Variants in COMMD10 observed in about 807,000 individuals in gnomAD.
COMMD10 encodes COMM domain-containing protein 10.
Under a neutral mutation model 28.9 loss-of-function variants are expected in COMMD10, and 33 were observed. That is an observed-to-expected ratio of 1.14 (90% confidence interval 0.87 to 1.53). COMMD10 has a LOEUF of 1.53. COMMD10 is among the 40% of genes most tolerant of loss of function. The probability of loss-of-function intolerance (pLI) is 0.00; values close to 1 mark genes in which losing one functional copy is unlikely to be tolerated. For synonymous variants in COMMD10, 110 were observed against 81.7 expected, an observed-to-expected ratio of 1.35 and a Z score of -1.87; for missense variants, 310 against 233.4, an observed-to-expected ratio of 1.33 and a Z score of -2.14.
At chr5:116,247,797 C>T (rs1364595314) in intron 5 of COMMD10, among the ~76,000 whole-genome samples, 2 of 151,880 alleles carry the variant, frequency 1.3e-5, no homozygotes, top group African/African-American at 2.4e-5. Context: ...ACAACACAAA[C>T]TCTGGGGTCT....
At chr5:116,209,013 C>G (rs1470435029) in intron 5 of COMMD10, among the ~76,000 whole-genome samples, 1 of 151,986 alleles carries the variant, frequency 6.6e-6, no homozygotes, top group Non-Finnish European at 1.5e-5. Flanking sequence ...CAGATTCTGT[C>G]TCTCTTTTCT....
At chr5:116,165,412 T>C (rs1753057094) in intron 5 of COMMD10, among the ~76,000 whole-genome samples, 1 of 152,234 alleles carries the variant, frequency 6.6e-6, no homozygotes, top group Admixed American at 6.5e-5. Flanking sequence ...TGTATTAGTC[T>C]GCTAGGGCTG....
intron 5 of COMMD10, among the ~76,000 whole-genome samples, chr5:116,167,163 G>C (rs1480283177): frequency 1.3e-5 from 2 of 151,960 alleles, no homozygotes; most frequent in East Asian, 3.9e-4. Context: ...TAAATGAGCT[G>C]ATGGAGCTGA....
intron 4 of COMMD10, among the ~76,000 whole-genome samples, chr5:116,095,543 T>C (rs896327287): frequency 3.3e-5 from 5 of 152,182 alleles, no homozygotes; most frequent in South Asian, 2.1e-4. Flanking sequence ...CTGTGAGATA[T>C]ATGATTTGCA....
intron 5 of COMMD10, among the ~76,000 whole-genome samples, chr5:116,284,122 A>AC (rs1189972856): frequency 6.6e-6 from 1 of 151,750 alleles, no homozygotes; most frequent in East Asian, 1.9e-4. Context: ...ACAGAGCAAG[A>AC]CCCCATCTCA....
chr5:116,098,009 C>G (rs865879377), intron 4 of COMMD10, among the ~76,000 whole-genome samples: 1 of 152,192 alleles, frequency 6.6e-6, no homozygotes, highest in Middle Eastern at 3.4e-3. Context: ...GGTCACAGAT[C>G]CAAACCATGT....
intron 5 of COMMD10, among the ~76,000 whole-genome samples, chr5:116,202,071 G>C (rs1255712152): frequency 7.7e-6 from 1 of 129,080 alleles, no homozygotes; most frequent in Non-Finnish European, 1.5e-5. Flanking sequence ...AGAGTGTGAT[G>C]TTCCCCTTCC....
chr5:116,215,936 T>C (rs1226376555), intron 5 of COMMD10, among the ~76,000 whole-genome samples: 1 of 151,690 alleles, frequency 6.6e-6, no homozygotes, highest in African/African-American at 2.4e-5. Flanking sequence ...AGGAAAATAA[T>C]GTTTTTTGTC....
intron 5 of COMMD10, among the ~76,000 whole-genome samples, chr5:116,233,325 T>C (rs181955901): frequency 6.6e-6 from 1 of 152,240 alleles, no homozygotes; most frequent in Non-Finnish European, 1.5e-5. Context: ...AATTAAATTT[T>C]ATCATAGGTA....
chr5:116,228,398 C>G (rs1218193425), intron 5 of COMMD10, among the ~76,000 whole-genome samples: 1 of 151,806 alleles, frequency 6.6e-6, no homozygotes, highest in Non-Finnish European at 1.5e-5. Context: ...CCCAATGACA[C>G]AAGCTATATG....
In COMMD10 at chr5:116,144,764, A is replaced by G. The variant is rs537593738; in HGVS notation, c.510+10586A>G. Among the ~76,000 whole-genome samples, 46 of 151,962 alleles carry G rather than the reference A, an allele frequency of 3.0e-4. 1 individual carries two copies. In the South Asian group the frequency reaches 9.1e-3, roughly 30 times the overall value. On this transcript the variant is annotated intron_variant, in intron 5 of 6. Transcript: ENST00000274458. The stretch of plus-strand genomic sequence containing the variant: ...AGGAGAAGAAAGAAACCTAATTGGG[A>G]TAAACTGACGAAAGAATATGAGGTG...
chr5:116,250,266 T>C (rs1272708242), intron 5 of COMMD10, among the ~76,000 whole-genome samples: 3 of 151,872 alleles, frequency 2.0e-5, no homozygotes, highest in Admixed American at 1.3e-4. Context: ...ACTAGATGGA[T>C]TGGTTTTCTT....
intron 5 of COMMD10, among the ~76,000 whole-genome samples, chr5:116,274,056 C>T (rs1252738221): frequency 6.6e-6 from 1 of 151,650 alleles, no homozygotes; most frequent in Non-Finnish European, 1.5e-5. Context: ...ACAGCCTCTG[C>T]AACTGTCACC....
chr5:116,148,920 A>G (rs1408024133), intron 5 of COMMD10, among the ~76,000 whole-genome samples: 1 of 151,802 alleles, frequency 6.6e-6, no homozygotes, highest in African/African-American at 2.4e-5. Context: ...TTACATATGT[A>G]TACATGTGCC....
At position 116,282,097 on chromosome 5, in the gene COMMD10, T is replaced by A. The variant is rs1751084415; in HGVS notation, c.511-9420T>A. Among the ~76,000 whole-genome samples, 2 of 151,914 alleles carry A rather than the reference T, an allele frequency of 1.3e-5. 1 individual carries two copies. Among genetic ancestry groups the A allele is most frequent in the African/African-American group, 4.9e-5 (2 of 41,190 alleles). ...ATTGTGTCTGAAACTGTACTTTGGATCCTGCCCTTCTTCAGATCTGCAGCT... is the reference window on the plus strand; with the variant it reads ...ATTGTGTCTGAAACTGTACTTTGGAACCTGCCCTTCTTCAGATCTGCAGCT... On this transcript the variant is annotated intron_variant, in intron 5 of 6. Transcript: ENST00000274458.
chr5:116,188,247 G>A (rs913807879), intron 5 of COMMD10, among the ~76,000 whole-genome samples: 1 of 152,078 alleles, frequency 6.6e-6, no homozygotes, highest in Non-Finnish European at 1.5e-5. Context: ...TAGGTTTATT[G>A]TTTTTGCCTT....
At chr5:116,182,187 A>G (rs1003520071) in intron 5 of COMMD10, among the ~76,000 whole-genome samples, 3 of 152,094 alleles carry the variant, frequency 2.0e-5, no homozygotes, top group African/African-American at 4.8e-5. Flanking sequence ...CAAGCAGACA[A>G]TTGAATGTAT....
At chr5:116,145,998 C>T (rs1311407011) in intron 5 of COMMD10, among the ~76,000 whole-genome samples, 1 of 151,804 alleles carries the variant, frequency 6.6e-6, no homozygotes, top group Non-Finnish European at 1.5e-5. Flanking sequence ...ATACAGCTTT[C>T]CTAGAGGTTT....
At chr5:116,176,225 C>G (rs546032015) in intron 5 of COMMD10, among the ~76,000 whole-genome samples, 3 of 152,170 alleles carry the variant, frequency 2.0e-5, no homozygotes, top group African/African-American at 7.2e-5. Context: ...AATTCTCATG[C>G]CTCAGCCTCC....
Sources: gnomAD v4.1 joint callset for allele counts (sites outside exome capture counted in the v4.1 genomes callset) on GRCh38, gnomAD v4.1.1 for gene constraint, MANE v1.5 for transcripts, NCBI Gene and HGNC (gene_info 2026-07-23, HGNC 2026-07-21) for gene names.